Variants in CLEC2B observed in about 807,000 individuals in gnomAD.
The protein encoded by CLEC2B is C-type (calcium dependent, carbohydrate-recognition domain) lectin, superfamily member 2 (activation-induced).
CLEC2B carries 14 observed loss-of-function variants against 16.2 expected under a neutral mutation model. The observed-to-expected ratio is 0.86, with a 90% CI of 0.57 to 1.35. The LOEUF (loss-of-function observed/expected upper bound fraction) is 1.35. Among genes scored for constraint, CLEC2B ranks in the 40% most tolerant of loss-of-function variants. CLEC2B has a pLI of 0.00. For missense variants in CLEC2B, 166 were observed against 182.3 expected (o/e 0.91, Z 0.52); for synonymous variants, 42 against 55.8 (o/e 0.75, Z 1.10).
intron 2 of CLEC2B, among the ~76,000 whole-genome samples, chr12:9,859,462 G>T (rs982834472): frequency 2.0e-5 from 3 of 151,712 alleles, no homozygotes; most frequent in African/African-American, 4.8e-5. Flanking sequence ...AAAAAGTAGA[G>T]AAATTTCTAG....
At chr12:9,860,455 TA>T (rs1392721545) in intron 2 of CLEC2B, among the ~76,000 whole-genome samples, 2 of 151,788 alleles carry the variant, frequency 1.3e-5, no homozygotes, top group African/African-American at 4.8e-5. Context: ...AAAAAATTCT[TA>T]AAAGGATGTG....
chr12:9,862,977 C>A (rs1211354389), intron 1 of CLEC2B, among the ~76,000 whole-genome samples: 1 of 152,076 alleles, frequency 6.6e-6, no homozygotes, highest in South Asian at 2.1e-4. Context: ...GGTGCCTGAA[C>A]GAGGACAGGC....
At chr12:9,862,655 C>T (rs929610271) in intron 1 of CLEC2B, 82 bp from the exon 2 acceptor site, 5 of 1,202,158 alleles carry the variant, frequency 4.2e-6, no homozygotes, top group Middle Eastern at 4.3e-4. Flanking sequence ...TAATGTCCCC[C>T]ACAGAAAACA....
Position 9,853,083 on chromosome 12 carries a change from A to AAGAGAAAGAGAGAG in CLEC2B, c.*216_*217insCTCTCTCTTTCTCT. On this transcript the variant is annotated 3_prime_UTR_variant, in exon 5 of 5. Coordinates refer to ENST00000228438, the MANE Select transcript of CLEC2B (RefSeq NM_005127.3). The stretch of plus-strand genomic sequence containing the variant: ...AAAGAAAGAAAGAAAGAAAGAAAGA[A>AAGAGAAAGAGAGAG]AGAGAGAGAGAGAAAGAAAGAAAGA... 6.1e-6 allele frequency: 2 copies of AAGAGAAAGAGAGAG among 329,812 alleles called. No homozygotes were observed. The highest frequency in any genetic ancestry group is 4.5e-5 in the Admixed American group (1 of 22,280). 20.4% of individuals were successfully genotyped at this position (329,812 alleles called of 1,614,324 possible).
chr12:9,857,453 A>T (rs752936047), intron 3 of CLEC2B, 21 bp downstream of exon 3: 5 of 1,563,094 alleles, frequency 3.2e-6, no homozygotes, highest in Non-Finnish European at 4.4e-6. Flanking sequence ...ATTCACAAAG[A>T]ATGTATATTA....
In CLEC2B at chr12:9,853,065, G is replaced by GAA. The variant is rs1243853143; in HGVS notation, c.*233_*234dup. 2 of 278,448 alleles carry GAA rather than the reference G, an allele frequency of 7.2e-6. No individual in the cohort carries two copies. The highest frequency in any genetic ancestry group is 1.2e-5 in the Non-Finnish European group (2 of 169,696). 17.2% of individuals were successfully genotyped at this position (278,448 alleles called of 1,614,324 possible). On this transcript the variant is annotated 3_prime_UTR_variant, in exon 5 of 5. Transcript: ENST00000228438. ...TCTGGTTTACAGTTAAAAAAAGAAAGAAAGAAAGAAAGAAAGAAAGAGAGA... is the reference window on the plus strand; with the variant it reads ...TCTGGTTTACAGTTAAAAAAAGAAAGAAAAAGAAAGAAAGAAAGAAAGAGAGA...
intron 1 of CLEC2B, chr12:9,867,038 A>G (rs1867975681): frequency 6.6e-6 from 1 of 152,216 alleles, no homozygotes; most frequent in South Asian, 2.1e-4. Flanking sequence ...AGATGATCGT[A>G]CTTTAAATGT....
intron 1 of CLEC2B, among the ~76,000 whole-genome samples, chr12:9,863,517 T>C (rs1377602264): frequency 6.6e-6 from 1 of 152,110 alleles, no homozygotes; most frequent in East Asian, 1.9e-4. Flanking sequence ...GAATTCAAAA[T>C]AGTAGTTTTA....
rs1867854348 is a variant in CLEC2B, at chr12:9,852,595, C to G, written c.*705G>C. Among the ~76,000 whole-genome samples the G allele has an allele frequency of 6.6e-6, 1 of 152,084 alleles. No individual in the cohort carries two copies. Among genetic ancestry groups the G allele is most frequent in the Non-Finnish European group, 1.5e-5 (1 of 68,006 alleles). On this transcript the variant is annotated 3_prime_UTR_variant, in exon 5 of 5. Coordinates refer to ENST00000228438, the MANE Select transcript of CLEC2B (RefSeq NM_005127.3). ...CTGTGTGCCCTGAGTGCCTTTTTCC[C>G]CTGGCCTGTCTACCCTGTTTTAGTT...
chr12:9,855,826 A>G (rs756517374), intron 3 of CLEC2B, among the ~76,000 whole-genome samples: 1 of 152,116 alleles, frequency 6.6e-6, no homozygotes, highest in Non-Finnish European at 1.5e-5. Context: ...ATTTTGTAAG[A>G]CAAACTTTAT....
intron 3 of CLEC2B, 31 bp from the exon 4 acceptor site, chr12:9,854,515 A>C: frequency 2.1e-6 from 3 of 1,428,374 alleles, no homozygotes; most frequent in Non-Finnish European, 3.0e-6. Context: ...TCAAAATCAT[A>C]CATGCCAATT....
At chr12:9,862,836 G>A (rs1050446616) in intron 1 of CLEC2B, among the ~76,000 whole-genome samples, 1 of 152,042 alleles carries the variant, frequency 6.6e-6, no homozygotes, top group Non-Finnish European at 1.5e-5. Flanking sequence ...CAATCTTTCC[G>A]GTACCCAAGG....
At chr12:9,865,996 A>G (rs1306643105) in intron 1 of CLEC2B, among the ~76,000 whole-genome samples, 1 of 152,162 alleles carries the variant, frequency 6.6e-6, no homozygotes, top group African/African-American at 2.4e-5. Flanking sequence ...TGGAATGCAG[A>G]AAAGCAGTAC....
At chr12:9,867,631 C>T (rs114861796) in intron 1 of CLEC2B, among the ~76,000 whole-genome samples, 3,848 of 152,188 alleles carry the variant, frequency 0.025, 70 homozygotes, top group Middle Eastern at 0.044. Context: ...TGATCTCCCA[C>T]GATGAAGCTG....
chr12:9,863,011 C>T (rs929640055), intron 1 of CLEC2B, among the ~76,000 whole-genome samples: 1 of 152,108 alleles, frequency 6.6e-6, no homozygotes, highest in Non-Finnish European at 1.5e-5. Context: ...GGAGGCAGGA[C>T]TACCATCCCC....
intron 1 of CLEC2B, among the ~76,000 whole-genome samples, chr12:9,863,901 A>G (rs1027285657): frequency 3.3e-5 from 5 of 152,176 alleles, no homozygotes; most frequent in African/African-American, 1.2e-4. Context: ...ATAATAACAG[A>G]AAGTATTACA....
chr12:9,857,295 T>C lies in CLEC2B; in HGVS notation c.237+179A>G, dbSNP rs73247305. The C allele has an allele frequency of 4.9e-4, 283 of 583,236 alleles. 1 individual carries two copies. In the African/African-American group the frequency reaches 5.0e-3, roughly 10 times the overall value. The allele number at this position is 583,236 out of a possible 1,614,324, so 36.1% of individuals were successfully genotyped here. On this transcript the variant is annotated intron_variant, in intron 3 of 4. Coordinates refer to ENST00000228438, the MANE Select transcript of CLEC2B (RefSeq NM_005127.3). ...CTACTACTTGATGTTAGTCTTACATTCTTCAAACAAAGCATCACTAGGTGT... is the reference window on the plus strand; with the variant it reads ...CTACTACTTGATGTTAGTCTTACATCCTTCAAACAAAGCATCACTAGGTGT...
chr12:9,862,000 A>T (rs954893118), intron 2 of CLEC2B, among the ~76,000 whole-genome samples: 1 of 152,092 alleles, frequency 6.6e-6, no homozygotes, highest in African/African-American at 2.4e-5. Flanking sequence ...TTTATAAAAA[A>T]AATTTCAACC....
Position 9,857,579 on chromosome 12 carries a change from G to T in CLEC2B, c.132C>A (p.Asn44Lys), listed in dbSNP as rs140186685. 24 of 1,611,110 alleles carry T rather than the reference G, an allele frequency of 1.5e-5. No homozygotes were observed. The African/African-American group carries it at 2.8e-4, about 19-fold the overall frequency. Residue 44 changes from asparagine to lysine, a missense_variant, in exon 3 of 5, where the codon AAC becomes AAA. Transcript: ENST00000228438. ...LCPYDWIGFQ[N>K]KCYYFSKEEG... The stretch of plus-strand genomic sequence containing the variant: ...CTTCTTTAGAGAAATAATAGCATTT[G>T]TTTTGGAAACCAATCCAATCATAGG...
Sources: allele counts gnomAD v4.1 joint callset (sites outside exome capture counted in the v4.1 genomes callset), GRCh38; gene constraint gnomAD v4.1.1; transcripts MANE v1.5; gene names NCBI Gene and HGNC (gene_info 2026-07-23, HGNC 2026-07-21).